NOX4: variants seen among roughly 807,000 people sequenced by gnomAD.
The protein encoded by NOX4 is kidney oxidase-1.
A neutral mutation model predicts 87.6 loss-of-function variants in NOX4; 69 were observed. The ratio of observed to expected loss-of-function variants is 0.79; its 90% CI spans 0.65 to 0.96. The LOEUF (loss-of-function observed/expected upper bound fraction) is 0.96, where lower values mean the gene tolerates loss of function less well. Among genes scored for constraint, NOX4 ranks in the 40% least tolerant of loss-of-function variants. The pLI is 0.00. For missense variants in NOX4, 680 were observed against 681.5 expected (o/e 1.00, Z 0.02); for synonymous variants, 275 against 238.2 (o/e 1.15, Z -1.42).
intron 13 of NOX4, among the ~76,000 whole-genome samples, chr11:89,349,287 AAAAATAAAATAAAAT>A (rs59263677): frequency 5.4e-5 from 8 of 149,414 alleles, no homozygotes; most frequent in African/African-American, 7.5e-5. Flanking sequence ...ACTCTGTCTA[AAAAATAAAATAAAAT>A]AAAATAAAAT....
chr11:89,544,558 C>T, the NOX4 span, among the ~76,000 whole-genome samples: 2 of 152,104 alleles, frequency 1.3e-5, no homozygotes, highest in Non-Finnish European at 2.9e-5. Flanking sequence ...AACATACTGA[C>T]AATAATAACA....
intron 11 of NOX4, among the ~76,000 whole-genome samples, chr11:89,389,309 G>A (rs188517375): frequency 6.6e-6 from 1 of 152,194 alleles, no homozygotes; most frequent in East Asian, 1.9e-4. Context: ...ATAAATTCGT[G>A]CTTAAAGCTT....
chr11:89,563,799 A>G, the NOX4 span, among the ~76,000 whole-genome samples: 2 of 152,148 alleles, frequency 1.3e-5, no homozygotes, highest in African/African-American at 4.8e-5. Context: ...TCTTAACATT[A>G]CTTTTTTTAG....
chr11:89,536,528 G>T, the NOX4 span, among the ~76,000 whole-genome samples: 122 of 152,188 alleles, frequency 8.0e-4, no homozygotes, highest in Admixed American at 1.8e-3. Context: ...CTAAAGTGTT[G>T]TAGAGCCGCT....
chr11:89,342,768 G>A (rs1734841043), intron 13 of NOX4, among the ~76,000 whole-genome samples: 1 of 151,986 alleles, frequency 6.6e-6, no homozygotes, highest in African/African-American at 2.4e-5. Flanking sequence ...AATCACAAAG[G>A]AAGCTCTGCA....
the NOX4 span, among the ~76,000 whole-genome samples, chr11:89,515,279 C>T: frequency 2.0e-5 from 3 of 151,872 alleles, no homozygotes; most frequent in Admixed American, 6.6e-5. Flanking sequence ...ATTTTTTTAG[C>T]GTGAGTTTTT....
At chr11:89,546,185 A>G in the NOX4 span, among the ~76,000 whole-genome samples, 1 of 152,146 alleles carries the variant, frequency 6.6e-6, no homozygotes, top group Non-Finnish European at 1.5e-5. Context: ...ACTCTTCTGC[A>G]TAATTATAAT....
upstream of NOX4, among the ~76,000 whole-genome samples, chr11:89,502,117 C>CTTTAATAAAT (rs1947028687): frequency 1.3e-5 from 2 of 151,926 alleles, no homozygotes; most frequent in African/African-American, 4.8e-5. Context: ...ATGTGGGCCC[C>CTTTAATAAAT]CTTGAAGAGG....
intron 17 of NOX4, among the ~76,000 whole-genome samples, chr11:89,327,545 A>G (rs1363806836): frequency 6.6e-6 from 1 of 152,196 alleles, no homozygotes; most frequent in African/African-American, 2.4e-5. Context: ...CGTATCTCTA[A>G]CAAATAGACT....
upstream of NOX4, among the ~76,000 whole-genome samples, chr11:89,499,511 T>C (rs532150172): frequency 5.3e-4 from 81 of 152,212 alleles, no homozygotes; most frequent in African/African-American, 1.9e-3. Context: ...AATAAACAAA[T>C]AAACTTGACA....
the NOX4 span, among the ~76,000 whole-genome samples, chr11:89,525,477 A>C: frequency 1.3e-5 from 2 of 152,022 alleles, no homozygotes; most frequent in African/African-American, 4.8e-5. Flanking sequence ...CATTTCACTG[A>C]AGTTGAGCAC....
At chr11:89,481,715 C>T (rs959865274) in intron 2 of NOX4, among the ~76,000 whole-genome samples, 2 of 152,026 alleles carry the variant, frequency 1.3e-5, no homozygotes, top group Non-Finnish European at 2.9e-5. Flanking sequence ...GTTAGAGGAC[C>T]TACATTCCAC....
chr11:89,331,858 G>A (rs1469324881), intron 17 of NOX4, among the ~76,000 whole-genome samples: 1 of 150,618 alleles, frequency 6.6e-6, no homozygotes, highest in African/African-American at 2.4e-5. Flanking sequence ...CCGTGTGTGT[G>A]CGATTTGAGG....
chr11:89,450,513 T>A (rs1443357549), intron 3 of NOX4, among the ~76,000 whole-genome samples: 1 of 152,126 alleles, frequency 6.6e-6, no homozygotes, highest in Non-Finnish European at 1.5e-5. Context: ...GAATGACTGT[T>A]TTTGTTTTCT....
chr11:89,579,470 TA>T, the NOX4 span, among the ~76,000 whole-genome samples: 34 of 146,366 alleles, frequency 2.3e-4, no homozygotes, highest in Admixed American at 3.4e-4. Flanking sequence ...AAAACTGCTT[TA>T]AAAAAAAAAG....
chr11:89,416,537 G>T (rs370435896), intron 8 of NOX4, among the ~76,000 whole-genome samples: 4 of 152,250 alleles, frequency 2.6e-5, no homozygotes, highest in South Asian at 4.1e-4. Context: ...CTCCTCCTGA[G>T]GCCCGAGGCC....
the NOX4 span, among the ~76,000 whole-genome samples, chr11:89,535,304 C>G: frequency 6.6e-6 from 1 of 152,218 alleles, no homozygotes; most frequent in Non-Finnish European, 1.5e-5. Flanking sequence ...CATCCAACCC[C>G]ATTTGGTGTT....
chr11:89,397,421 G>A (rs1371511488), intron 11 of NOX4, among the ~76,000 whole-genome samples: 1 of 152,066 alleles, frequency 6.6e-6, no homozygotes, highest in East Asian at 1.9e-4. Flanking sequence ...AGAGAAGCAA[G>A]AGCAAACGAA....
chr11:89,456,663 C>A (rs1197596385), intron 2 of NOX4, among the ~76,000 whole-genome samples: 2 of 152,170 alleles, frequency 1.3e-5, no homozygotes, highest in Admixed American at 6.5e-5. Flanking sequence ...GCTCTGTCCT[C>A]ACCAGGAATC....
Sources: gnomAD v4.1 joint callset for allele counts (sites outside exome capture counted in the v4.1 genomes callset) on GRCh38, gnomAD v4.1.1 for gene constraint, MANE v1.5 for transcripts, NCBI Gene and HGNC (gene_info 2026-07-23, HGNC 2026-07-21) for gene names.